ZRANB3: variants seen among roughly 807,000 people sequenced by gnomAD.
The protein encoded by ZRANB3 is zinc finger RANBP2-type containing 3, also known as DNA annealing helicase and endonuclease ZRANB3.
Under a neutral mutation model 133.8 loss-of-function variants are expected in ZRANB3, and 125 were observed. The ratio of observed to expected loss-of-function variants is 0.93; its 90% CI spans 0.81 to 1.08. The LOEUF (loss-of-function observed/expected upper bound fraction) is 1.08, where lower values mean the gene tolerates loss of function less well. Among genes scored for constraint, ZRANB3 ranks in the 50% least tolerant of loss-of-function variants. ZRANB3 has a pLI of 0.00. For missense variants in ZRANB3, 1,229 were observed against 1,275.5 expected, an observed-to-expected ratio of 0.96 and a Z score of 0.56; for synonymous variants, 387 against 432.7, an observed-to-expected ratio of 0.89 and a Z score of 1.31.
intron 2 of ZRANB3, among the ~76,000 whole-genome samples, chr2:135,452,284 C>T (rs950324363): frequency 1.3e-5 from 2 of 152,096 alleles, no homozygotes; most frequent in African/African-American, 4.8e-5. Flanking sequence ...GGGTCCCTCC[C>T]ACAACACATG....
intron 8 of ZRANB3, among the ~76,000 whole-genome samples, chr2:135,308,821 T>C (rs1406816248): frequency 2.0e-5 from 3 of 152,036 alleles, no homozygotes; most frequent in Non-Finnish European, 4.4e-5. Flanking sequence ...ACATTAGCTA[T>C]TTTCTTCATA....
chr2:135,478,476 T>C (rs771905534), intron 2 of ZRANB3, among the ~76,000 whole-genome samples: 3 of 152,160 alleles, frequency 2.0e-5, no homozygotes, highest in Non-Finnish European at 2.9e-5. Context: ...CTGAACACCA[T>C]AGATTAATAT....
intron 2 of ZRANB3, among the ~76,000 whole-genome samples, chr2:135,401,989 CTATTTT>C (rs1203614998): frequency 4.6e-5 from 7 of 152,000 alleles, no homozygotes; most frequent in African/African-American, 1.4e-4. Flanking sequence ...GTTAACTGAA[CTATTTT>C]TATTTTGCCT....
At chr2:135,477,471 C>G (rs887003996) in intron 2 of ZRANB3, among the ~76,000 whole-genome samples, 2 of 152,200 alleles carry the variant, frequency 1.3e-5, no homozygotes, top group African/African-American at 4.8e-5. Flanking sequence ...TGGATCCTGC[C>G]TGCGGCCCCT....
chr2:135,309,206 C>A (rs1056978269), intron 8 of ZRANB3, among the ~76,000 whole-genome samples: 1 of 152,026 alleles, frequency 6.6e-6, no homozygotes, highest in Non-Finnish European at 1.5e-5. Context: ...TGGTCTTGAT[C>A]TCCTGACCTC....
chr2:135,345,507 T>A, intron 6 of ZRANB3, 43 bp downstream of exon 6: 1 of 1,358,684 alleles, frequency 7.4e-7, no homozygotes. Flanking sequence ...ATGTTCACAG[T>A]AAACATGTGA....
At chr2:135,367,734 A>G (rs1291237596) in intron 3 of ZRANB3, among the ~76,000 whole-genome samples, 1 of 152,158 alleles carries the variant, frequency 6.6e-6, no homozygotes, top group African/African-American at 2.4e-5. Context: ...CTATAATGCA[A>G]TGTCACCATG....
intron 15 of ZRANB3, among the ~76,000 whole-genome samples, chr2:135,220,242 G>A (rs1036286413): frequency 4.0e-5 from 6 of 151,824 alleles, no homozygotes; most frequent in East Asian, 3.9e-4. Flanking sequence ...CACATACAGC[G>A]GTGTAGTAGA....
intron 6 of ZRANB3, among the ~76,000 whole-genome samples, chr2:135,338,521 C>T (rs1684473471): frequency 6.6e-6 from 1 of 152,228 alleles, no homozygotes; most frequent in Non-Finnish European, 1.5e-5. Context: ...TCAGGGGCAT[C>T]AGAGGCTACC....
chr2:135,251,967 G>A (rs61195373), intron 12 of ZRANB3, among the ~76,000 whole-genome samples: 6,764 of 152,230 alleles, frequency 0.044, 508 homozygotes, highest in African/African-American at 0.16. Context: ...CCCAGGAGGC[G>A]GAGGCTGCAT....
chr2:135,504,370 G>T lies in ZRANB3; in HGVS notation c.120C>A (p.Phe40Leu). 1.9e-6 allele frequency: 3 copies of T among 1,613,612 alleles called. No individual in the cohort carries two copies. Among genetic ancestry groups the T allele is most frequent in the Non-Finnish European group, 2.5e-6 (3 of 1,179,724 alleles). The change falls in exon 2 of 21, where the codon TTC (phenylalanine) becomes TTA (leucine). Residue 40 changes from phenylalanine to leucine, a missense_variant. Coordinates refer to ENST00000264159, the MANE Select transcript of ZRANB3 (RefSeq NM_032143.4). ...PDRLRAKLLPFQKDGIIFALK... is the reference protein window; with the variant it reads ...PDRLRAKLLPLQKDGIIFALK... ...GGGCAAAAATGATGCCATCTTTCTG[G>T]AATGGAAGTAGCTTTGCTCTTAGTC...
chr2:135,251,504 C>G (rs942040132), intron 12 of ZRANB3, among the ~76,000 whole-genome samples: 1 of 152,098 alleles, frequency 6.6e-6, no homozygotes, highest in African/African-American at 2.4e-5. Context: ...TTGTATCTCC[C>G]AGAATTCCCA....
intron 2 of ZRANB3, among the ~76,000 whole-genome samples, chr2:135,455,589 CTTTTTT>C (rs929421233): frequency 7.9e-6 from 1 of 126,474 alleles, no homozygotes. Context: ...TGATTTTTTT[CTTTTTT>C]TTTTTTTTTT....
intron 2 of ZRANB3, among the ~76,000 whole-genome samples, chr2:135,468,050 ATTC>A (rs1691077358): frequency 1.3e-5 from 2 of 152,144 alleles, no homozygotes; most frequent in Admixed American, 1.3e-4. Context: ...CAGGCATCTT[ATTC>A]TTCTATTTCC....
At chr2:135,377,809 G>A (rs555275801) in intron 3 of ZRANB3, among the ~76,000 whole-genome samples, 2 of 152,206 alleles carry the variant, frequency 1.3e-5, no homozygotes, top group Admixed American at 6.5e-5. Context: ...TTGATCCTGG[G>A]TGTCTCTGTG....
chr2:135,431,550 T>C (rs970032789), intron 2 of ZRANB3, among the ~76,000 whole-genome samples: 1 of 152,086 alleles, frequency 6.6e-6, no homozygotes, highest in Non-Finnish European at 1.5e-5. Flanking sequence ...GGAGAAGATA[T>C]AATAGCTGAT....
chr2:135,407,972 AT>A (rs569311161), intron 2 of ZRANB3, among the ~76,000 whole-genome samples: 4,578 of 151,380 alleles, frequency 0.03, 227 homozygotes, highest in African/African-American at 0.11. Context: ...AAATTGTCAA[AT>A]GGGATCTAAT....
At chr2:135,461,733 G>A (rs1248633782) in intron 2 of ZRANB3, among the ~76,000 whole-genome samples, 2 of 152,166 alleles carry the variant, frequency 1.3e-5, no homozygotes, top group African/African-American at 4.8e-5. Context: ...GTAGGCACTG[G>A]AGATGATACT....
chr2:135,390,897 T>C, intron 2 of ZRANB3, 77 bp from the exon 3 acceptor site: 1 of 1,414,068 alleles, frequency 7.1e-7, no homozygotes, highest in Non-Finnish European at 9.3e-7. Context: ...AGTCTCGCTC[T>C]GTCACCAGGC....
Sources: gnomAD v4.1 joint callset for allele counts (sites outside exome capture counted in the v4.1 genomes callset) on GRCh38, gnomAD v4.1.1 for gene constraint, MANE v1.5 for transcripts, NCBI Gene and HGNC (gene_info 2026-07-23, HGNC 2026-07-21) for gene names.